SLC45A4: variants seen among roughly 807,000 people sequenced by gnomAD.
SLC45A4 encodes the protein polyamine-transporter SLC45A4.
A neutral mutation model predicts 63.7 loss-of-function variants in SLC45A4; 32 were observed. The observed-to-expected ratio is 0.50, with a 90% CI of 0.38 to 0.67. The LOEUF (loss-of-function observed/expected upper bound fraction) is 0.67, where lower values mean the gene tolerates loss of function less well. SLC45A4 is among the 30% of genes least tolerant of loss of function. The probability of loss-of-function intolerance (pLI) is 0.00; values close to 1 mark genes in which losing one functional copy is unlikely to be tolerated. For missense variants in SLC45A4, 1,027 were observed against 1,157.7 expected (o/e 0.89, Z 1.64); for synonymous variants, 535 against 510.0 (o/e 1.05, Z -0.66).
At chr8:141,216,047 C>G in intron 6 of SLC45A4, 77 bp from the exon 7 acceptor site, 1 of 1,340,290 alleles carries the variant, frequency 7.5e-7, no homozygotes, top group Non-Finnish European at 1.0e-6. Context: ...CATCCCTCCC[C>G]TCGCCCCCCA....
intron 2 of SLC45A4, among the ~76,000 whole-genome samples, chr8:141,231,073 C>G (rs1270346017): frequency 1.3e-5 from 2 of 152,230 alleles, no homozygotes; most frequent in African/African-American, 4.8e-5. Context: ...GACAGGCCCT[C>G]TCTGCAAAGA....
At chr8:141,284,723 G>A (rs770795687) in intron 1 of SLC45A4, among the ~76,000 whole-genome samples, 11 of 152,132 alleles carry the variant, frequency 7.2e-5, no homozygotes, top group Non-Finnish European at 1.0e-4. Context: ...GGGATGAAAC[G>A]CCTACCCCAG....
chr8:141,304,293 G>C (rs544655710), intron 1 of SLC45A4, among the ~76,000 whole-genome samples: 1 of 149,562 alleles, frequency 6.7e-6, no homozygotes, highest in South Asian at 2.1e-4. Context: ...ACGCAAAGGA[G>C]AGAGACTATA....
At chr8:141,221,472 G>T in intron 3 of SLC45A4, 105 bp downstream of exon 3, 1 of 1,400,198 alleles carries the variant, frequency 7.1e-7, no homozygotes, top group Non-Finnish European at 9.7e-7. Flanking sequence ...CCCACAGAGG[G>T]TCAGCCTGAA....
rs116984236 is a variant in SLC45A4, at chr8:141,207,426, C to G, written c.*4146G>C. The G allele has an allele frequency of 1.3e-5, 2 of 152,166 alleles. No individual in the cohort carries two copies. Among genetic ancestry groups the G allele is most frequent in the Admixed American group, 1.3e-4 (2 of 15,280 alleles). The allele number at this position is 152,166 out of a possible 1,614,324, so 9.4% of individuals were successfully genotyped here. A position where few individuals can be genotyped will look rare whatever the true frequency, so the allele number is the denominator to read the frequency against. ...TAATAGAAGAGAGTCATGAGCGACA[C>G]GACACTTCCTTACGACCTCTCTCTC... On this transcript the variant is annotated 3_prime_UTR_variant, in exon 9 of 9. Coordinates refer to ENST00000517878, the MANE Select transcript of SLC45A4 (RefSeq NM_001286646.2).
In SLC45A4 at chr8:141,211,224, A is replaced by G. The variant is rs768313002; in HGVS notation, c.*348T>C. On this transcript the variant is annotated 3_prime_UTR_variant, in exon 9 of 9. Coordinates refer to ENST00000517878, the MANE Select transcript of SLC45A4 (RefSeq NM_001286646.2). ...ATGGTTTAGAGACGAATCAAAGTGC[A>G]GTGAAAGTCAACGTTTCCTTCCCCC... The G allele has an allele frequency of 5.5e-5, 24 of 436,336 alleles. No individual in the cohort carries two copies. The highest frequency in any genetic ancestry group is 8.9e-5 in the Non-Finnish European group (22 of 247,472). The allele number at this position is 436,336 out of a possible 1,614,324, so 27.0% of individuals were successfully genotyped here.
Position 141,254,585 on chromosome 8 carries a change from C to T in SLC45A4, c.-356G>A. Reference sequence around the variant, plus strand: ...GCTACAGAGAGGTGGGAAGGTGATACAAACAGGTGGTCCGCTGGTAATCCC... The same window carrying T: ...GCTACAGAGAGGTGGGAAGGTGATATAAACAGGTGGTCCGCTGGTAATCCC... On this transcript the variant is annotated 5_prime_UTR_variant, in exon 2 of 9. Coordinates refer to ENST00000517878, the MANE Select transcript of SLC45A4 (RefSeq NM_001286646.2). The surrounding 1 kb of genome is among the most constrained non-coding windows in gnomAD (Gnocchi z 4.5). 1 of 702,380 alleles carries T rather than the reference C, an allele frequency of 1.4e-6. No individual in the cohort carries two copies. The highest frequency in any genetic ancestry group is 2.6e-6 in the Non-Finnish European group (1 of 384,858). The allele number at this position is 702,380 out of a possible 1,614,324, so 43.5% of individuals were successfully genotyped here. A position where few individuals can be genotyped will look rare whatever the true frequency, so the allele number is the denominator to read the frequency against.
chr8:141,280,763 G>C (rs932366703), intron 1 of SLC45A4, among the ~76,000 whole-genome samples: 2 of 152,240 alleles, frequency 1.3e-5, no homozygotes, highest in African/African-American at 4.8e-5. Context: ...TGTCAGGACA[G>C]AGCCTGACTC....
At chr8:141,299,265 A>G (rs952764536) in intron 1 of SLC45A4, among the ~76,000 whole-genome samples, 3 of 152,254 alleles carry the variant, frequency 2.0e-5, no homozygotes, top group African/African-American at 7.2e-5. Flanking sequence ...GCCAGGCTTC[A>G]TGATGTTTCT....
chr8:141,288,960 C>T (rs565925629), intron 1 of SLC45A4, among the ~76,000 whole-genome samples: 1 of 152,100 alleles, frequency 6.6e-6, no homozygotes, highest in South Asian at 2.1e-4. Flanking sequence ...TCAGTACCAT[C>T]GAGGCGCTAA....
intron 7 of SLC45A4, among the ~76,000 whole-genome samples, chr8:141,213,912 G>A (rs1276023873): frequency 6.6e-6 from 1 of 152,158 alleles, no homozygotes; most frequent in African/African-American, 2.4e-5. Context: ...ACAAATTAAA[G>A]CATCATACTC....
intron 1 of SLC45A4, among the ~76,000 whole-genome samples, chr8:141,282,515 G>A (rs1345283994): frequency 3.3e-5 from 5 of 152,110 alleles, no homozygotes; most frequent in Admixed American, 1.3e-4. Context: ...CGCCTCCATC[G>A]CTGCCCTCTC....
chr8:141,258,435 T>C (rs1299323383), intron 1 of SLC45A4, among the ~76,000 whole-genome samples: 1 of 152,184 alleles, frequency 6.6e-6, no homozygotes, highest in Non-Finnish European at 1.5e-5. Flanking sequence ...AAAGAGCAGG[T>C]TGCATAAGAA....
At chr8:141,232,264 C>G (rs1188636658) in intron 2 of SLC45A4, among the ~76,000 whole-genome samples, 1 of 152,270 alleles carries the variant, frequency 6.6e-6, no homozygotes, top group Non-Finnish European at 1.5e-5. Context: ...GCTCTGTGCG[C>G]CATGCTTTGG....
chr8:141,224,002 G>GA (rs1826823252), intron 2 of SLC45A4, among the ~76,000 whole-genome samples: 2 of 145,268 alleles, frequency 1.4e-5, no homozygotes, highest in Non-Finnish European at 3.0e-5. Flanking sequence ...ATTTTCTGTA[G>GA]TTTTTTTTTT....
intron 1 of SLC45A4, among the ~76,000 whole-genome samples, chr8:141,293,379 A>C (rs920438556): frequency 6.6e-6 from 1 of 152,140 alleles, no homozygotes; most frequent in Non-Finnish European, 1.5e-5. Context: ...ACTCAAACCC[A>C]GTAGGCAGAG....
intron 2 of SLC45A4, chr8:141,228,064 AG>A: frequency 7.8e-7 from 1 of 1,285,984 alleles, no homozygotes; most frequent in South Asian, 1.3e-5. Context: ...CAGAGCCCTG[AG>A]GGGAGAGCTG....
intron 3 of SLC45A4, among the ~76,000 whole-genome samples, chr8:141,220,937 G>A (rs927847175): frequency 6.6e-6 from 1 of 152,244 alleles, no homozygotes; most frequent in Non-Finnish European, 1.5e-5. Flanking sequence ...GGCATCGCCT[G>A]TTGGCGACGA....
chr8:141,234,985 G>T (rs1057477847), intron 2 of SLC45A4, among the ~76,000 whole-genome samples: 1 of 152,174 alleles, frequency 6.6e-6, no homozygotes, highest in Non-Finnish European at 1.5e-5. Context: ...ACAGGAATGC[G>T]CCCGCTACCT....
Sources: gnomAD v4.1 joint callset for allele counts (sites outside exome capture counted in the v4.1 genomes callset) on GRCh38, gnomAD v4.1.1 for gene constraint, Gnocchi (gnomAD v3.1) non-coding constraint, MANE v1.5 for transcripts, NCBI Gene and HGNC (gene_info 2026-07-23, HGNC 2026-07-21) for gene names.